GNB4: variants seen among roughly 807,000 people sequenced by gnomAD.
GNB4 encodes guanine nucleotide-binding protein subunit beta-4.
Under a neutral mutation model 45.2 loss-of-function variants are expected in GNB4, and 28 were observed. The ratio of observed to expected loss-of-function variants is 0.62; its 90% CI spans 0.46 to 0.85. The LOEUF is 0.85. Among genes scored for constraint, GNB4 ranks in the 40% least tolerant of loss-of-function variants. The pLI, the probability that GNB4 is intolerant of heterozygous loss-of-function variation, is 0.00. For missense variants in GNB4, 321 were observed against 425.4 expected (o/e 0.75, Z 2.16); for synonymous variants, 132 against 143.7 (o/e 0.92, Z 0.58).
At position 179,426,285 on chromosome 3, in the gene GNB4, T is replaced by C. The variant is rs561515217; in HGVS notation, c.-42-43A>G. ...GCAAGAGAAAGATTCAGTTCTCTAC[T>C]TACATCTTAATCTGGTTTTACAATA... On this transcript the variant is annotated intron_variant, in intron 1 of 9. Transcript: ENST00000232564. The C allele has an allele frequency of 3.7e-5, 37 of 995,630 alleles. No individual in the cohort carries two copies. The African/African-American group carries it at 5.8e-4, about 16-fold the overall frequency. The allele number at this position is 995,630 out of a possible 1,614,324, so 61.7% of individuals were successfully genotyped here. A position where few individuals can be genotyped will look rare whatever the true frequency, so the allele number is the denominator to read the frequency against.
chr3:179,441,841 T>C (rs531289009), intron 1 of GNB4, among the ~76,000 whole-genome samples: 1 of 151,998 alleles, frequency 6.6e-6, no homozygotes, highest in Non-Finnish European at 1.5e-5. Flanking sequence ...GTTTCACTCT[T>C]GTTGCCCAGG....
chr3:179,411,456 A>G (rs1402548038), intron 8 of GNB4, among the ~76,000 whole-genome samples: 2 of 146,800 alleles, frequency 1.4e-5, no homozygotes, highest in African/African-American at 2.5e-5. Flanking sequence ...AGATGGTACT[A>G]ATGTTTTGAC....
chr3:179,446,735 G>C (rs1715742248), intron 1 of GNB4, among the ~76,000 whole-genome samples: 1 of 152,102 alleles, frequency 6.6e-6, no homozygotes, highest in Admixed American at 6.5e-5. Context: ...ACTCAAAGTT[G>C]GTAACTTGTT....
the GNB4 span, among the ~76,000 whole-genome samples, chr3:179,522,706 G>A: frequency 2.0e-5 from 3 of 152,112 alleles, no homozygotes; most frequent in African/African-American, 7.2e-5. Flanking sequence ...GTGTGATCAG[G>A]GTGAGGAACA....
chr3:179,399,874 TG>T lies in GNB4; in HGVS notation c.*1338del. 1 of 152,246 alleles carries T rather than the reference TG, an allele frequency of 6.6e-6. No homozygotes were observed. Among genetic ancestry groups the T allele is most frequent in the Admixed American group, 6.5e-5 (1 of 15,286 alleles). 9.4% of individuals were successfully genotyped at this position (152,246 alleles called of 1,614,324 possible). ...CTATTATCAGTCATTTAGACTTATTTGTAAAAGAGAATCCAACAGGAAAAGT... is the reference window on the plus strand; with the variant it reads ...CTATTATCAGTCATTTAGACTTATTTTAAAAGAGAATCCAACAGGAAAAGT... On this transcript the variant is annotated 3_prime_UTR_variant, in exon 10 of 10. Transcript: ENST00000232564.
the GNB4 span, among the ~76,000 whole-genome samples, chr3:179,458,250 AC>A: frequency 1.3e-5 from 2 of 152,266 alleles, no homozygotes; most frequent in South Asian, 4.1e-4. Context: ...GAGTTGCTCT[AC>A]CACTTCACCA....
chr3:179,455,039 G>T (rs940902418), upstream of GNB4, among the ~76,000 whole-genome samples: 5 of 152,142 alleles, frequency 3.3e-5, no homozygotes, highest in African/African-American at 1.2e-4. Context: ...CCATATCAAA[G>T]TACAGTTTGT....
At chr3:179,508,918 C>G in the GNB4 span, among the ~76,000 whole-genome samples, 1 of 75,768 alleles carries the variant, frequency 1.3e-5, no homozygotes, top group Admixed American at 1.6e-4. Context: ...ATCAAAACCT[C>G]TCTTTCAGCA....
intron 1 of GNB4, among the ~76,000 whole-genome samples, 185 bp from the exon 2 acceptor site, chr3:179,426,427 C>T (rs1200739202): frequency 6.6e-6 from 1 of 152,128 alleles, no homozygotes; most frequent in Non-Finnish European, 1.5e-5. Flanking sequence ...GGGTTGTATA[C>T]AAGAACATGA....
the GNB4 span, among the ~76,000 whole-genome samples, chr3:179,467,479 A>AGTG: frequency 6.6e-6 from 1 of 152,204 alleles, no homozygotes; most frequent in South Asian, 2.1e-4. Flanking sequence ...ACCAGGCACT[A>AGTG]CACTAGACTC....
At chr3:179,475,300 T>A in the GNB4 span, among the ~76,000 whole-genome samples, 2 of 150,954 alleles carry the variant, frequency 1.3e-5, no homozygotes, top group Admixed American at 6.6e-5. Flanking sequence ...TGTATTTTTA[T>A]AATTGCAGAC....
the GNB4 span, among the ~76,000 whole-genome samples, chr3:179,474,168 G>A: frequency 1.3e-5 from 2 of 152,080 alleles, no homozygotes; most frequent in Non-Finnish European, 2.9e-5. Flanking sequence ...CACCCTAGGC[G>A]ACAGAGTGAG....
intron 1 of GNB4, among the ~76,000 whole-genome samples, chr3:179,431,941 T>C (rs1025277455): frequency 2.6e-5 from 4 of 152,154 alleles, no homozygotes; most frequent in African/African-American, 9.7e-5. Flanking sequence ...CACCAGCAGC[T>C]AAATAGGCCC....
the GNB4 span, among the ~76,000 whole-genome samples, chr3:179,520,868 A>G: frequency 3.0e-4 from 46 of 152,222 alleles, no homozygotes; most frequent in African/African-American, 7.2e-4. Context: ...AGGCCTAATC[A>G]CCACACACCA....
chr3:179,466,148 T>C, the GNB4 span, among the ~76,000 whole-genome samples: 1 of 152,014 alleles, frequency 6.6e-6, no homozygotes, highest in East Asian at 1.9e-4. Context: ...GCAGCTGGGA[T>C]TACAGGTGCA....
chr3:179,504,454 A>G, the GNB4 span, among the ~76,000 whole-genome samples: 1 of 152,186 alleles, frequency 6.6e-6, no homozygotes, highest in Non-Finnish European at 1.5e-5. Flanking sequence ...TCCCACCTCC[A>G]GCCTATAGAT....
intron 1 of GNB4, among the ~76,000 whole-genome samples, chr3:179,447,280 C>T (rs1715757670): frequency 6.8e-6 from 1 of 146,208 alleles, no homozygotes; most frequent in Non-Finnish European, 1.5e-5. Flanking sequence ...GTGAGCAGGG[C>T]AGAGAGCAGC....
rs139162136 is a variant in GNB4 at position 179,446,942 on chromosome 3, T to C, written c.-43+4404A>G. 5.5e-3 allele frequency among the ~76,000 whole-genome samples: 836 copies of C among 152,296 alleles called. 8 individuals are homozygous for C. Among genetic ancestry groups the C allele is most frequent in the African/African-American group, 0.019 (793 of 41,568 alleles). ...CCAAACATATTCTAGGCTCTAGAGATTCGGTAGTAAACAAAACAAAACTTC... is the reference window on the plus strand; with the variant it reads ...CCAAACATATTCTAGGCTCTAGAGACTCGGTAGTAAACAAAACAAAACTTC... On this transcript the variant is annotated intron_variant, in intron 1 of 9. Coordinates refer to ENST00000232564, the MANE Select transcript of GNB4 (RefSeq NM_021629.4).
chr3:179,473,775 T>C, the GNB4 span, among the ~76,000 whole-genome samples: 1 of 152,218 alleles, frequency 6.6e-6, no homozygotes, highest in African/African-American at 2.4e-5. Context: ...CAGCCTGTTA[T>C]ATAAGTTCTA....
Sources: allele counts gnomAD v4.1 joint callset (sites outside exome capture counted in the v4.1 genomes callset), GRCh38; gene constraint gnomAD v4.1.1; transcripts MANE v1.5; gene names NCBI Gene and HGNC (gene_info 2026-07-23, HGNC 2026-07-21).